Variants in OTOP2 observed in about 807,000 individuals in gnomAD.
OTOP2 encodes proton channel OTOP2.
Under a neutral mutation model 47.4 loss-of-function variants are expected in OTOP2, and 41 were observed. That is an observed-to-expected ratio of 0.87 (90% CI 0.67 to 1.12). The LOEUF (loss-of-function observed/expected upper bound fraction) is 1.12. Ranked by LOEUF, OTOP2 falls within the 50% of genes most tolerant of loss-of-function variation. OTOP2 has a pLI of 0.00. For synonymous variants in OTOP2, 328 were observed against 319.6 expected (o/e 1.03, Z -0.28); for missense variants, 721 against 752.2 (o/e 0.96, Z 0.49).
rs2144767836 is a variant in OTOP2, at chr17:74,930,444, C to A, written c.809C>A (p.Ala270Asp). 1 of 1,614,200 alleles carries A rather than the reference C, an allele frequency of 6.2e-7. No homozygotes were observed. Among genetic ancestry groups the A allele is most frequent in the Non-Finnish European group, 8.5e-7 (1 of 1,180,026 alleles). The change falls in exon 6 of 7, where the codon GCC becomes GAC. Residue 270 changes from alanine (A) to aspartate (D), a missense_variant. Transcript: ENST00000331427. The surrounding 1 kb of genome is among the most constrained non-coding windows in gnomAD (Gnocchi z 4.0). ...TGGAAGAATGTGGGTAGATTCCTGG[C>A]CTCCACCCCTGGCCACAGCCACACC... ...VMWKNVGRFL[A>D]STPGHSHTPT... is the part of the protein sequence containing the mutation.
rs781662622 is a variant in OTOP2 at position 74,933,564 on chromosome 17, G to T, written c.*19G>T. The T allele has an allele frequency of 3.8e-6, 6 of 1,563,348 alleles. No individual in the cohort carries two copies. The East Asian group carries it at 1.4e-4, about 36-fold the overall frequency. ...GTCCTGAGGCCTCCAACAGAGGCAT[G>T]GGGGGCAGGAAGAGGGGGCTCAGCT... On this transcript the variant is annotated 3_prime_UTR_variant, in exon 7 of 7. Coordinates refer to ENST00000331427, the MANE Select transcript of OTOP2 (RefSeq NM_178160.3). The surrounding 1 kb of genome is among the most constrained non-coding windows in gnomAD (Gnocchi z 4.7).
chr17:74,928,608 G>C (rs1426928794), intron 5 of OTOP2, among the ~76,000 whole-genome samples: 1 of 152,134 alleles, frequency 6.6e-6, no homozygotes, highest in Non-Finnish European at 1.5e-5. Context: ...TGTGAAATAG[G>C]TACTCTCCCC....
rs79037104 is a variant in OTOP2, at chr17:74,933,567, G to C, written c.*22G>C. 39 of 1,560,234 alleles carry C rather than the reference G, an allele frequency of 2.5e-5. No individual in the cohort carries two copies. Among genetic ancestry groups the C allele is most frequent in the Admixed American group, 2.2e-4 (13 of 58,984 alleles). On this transcript the variant is annotated 3_prime_UTR_variant, in exon 7 of 7. Coordinates refer to ENST00000331427, the MANE Select transcript of OTOP2 (RefSeq NM_178160.3). The surrounding 1 kb of genome is among the most constrained non-coding windows in gnomAD (Gnocchi z 4.7). Reference sequence around the variant, plus strand: ...CTGAGGCCTCCAACAGAGGCATGGGGGGCAGGAAGAGGGGGCTCAGCTCAT... The same window carrying C: ...CTGAGGCCTCCAACAGAGGCATGGGCGGCAGGAAGAGGGGGCTCAGCTCAT...
At position 74,930,452 on chromosome 17, in the gene OTOP2, C is replaced by G. The variant is rs199935555; in HGVS notation, c.817C>G (p.Pro273Ala). The change falls in exon 6 of 7, where the codon CCT (proline) becomes GCT (alanine). Residue 273 changes from proline (P) to alanine (A), a missense_variant. Coordinates refer to ENST00000331427, the MANE Select transcript of OTOP2 (RefSeq NM_178160.3). This position sits in a 1 kb window ranked among gnomAD's most constrained non-coding sequence, Gnocchi z 4.0. The stretch of plus-strand genomic sequence containing the variant: ...TGTGGGTAGATTCCTGGCCTCCACC[C>G]CTGGCCACAGCCACACCCCAACCCC... ...KNVGRFLAST[P>A]GHSHTPTPVS... 5.0e-6 allele frequency: 8 copies of G among 1,614,092 alleles called. No individual in the cohort carries two copies. The highest frequency in any genetic ancestry group is 6.8e-6 in the Non-Finnish European group (8 of 1,180,046).
At position 74,930,732 on chromosome 17, in the gene OTOP2, C is replaced by T; in HGVS notation, c.1097C>T (p.Thr366Ile). Residue 366 changes from threonine (T) to isoleucine (I), a missense_variant, in exon 6 of 7, where the codon ACT becomes ATT. Coordinates refer to ENST00000331427, the MANE Select transcript of OTOP2 (RefSeq NM_178160.3). This position sits in a 1 kb window ranked among gnomAD's most constrained non-coding sequence, Gnocchi z 4.0. Reference protein sequence around the residue: ...AMDHHKNPTRTLDVALLMGAA... With the variant: ...AMDHHKNPTRILDVALLMGAA... Reference sequence around the variant, plus strand: ...GACCACCATAAGAACCCCACGCGCACTCTGGACGTGGCCCTGCTGATGGGT... The same window carrying T: ...GACCACCATAAGAACCCCACGCGCATTCTGGACGTGGCCCTGCTGATGGGT... 2 of 1,614,142 alleles carry T rather than the reference C, an allele frequency of 1.2e-6. No homozygotes were observed. Among genetic ancestry groups the T allele is most frequent in the Non-Finnish European group, 1.7e-6 (2 of 1,180,028 alleles).
chr17:74,931,953 CA>C (rs5822060), intron 6 of OTOP2, among the ~76,000 whole-genome samples: 32,338 of 83,454 alleles, frequency 0.39, 4,059 homozygotes, highest in Admixed American at 0.49. Flanking sequence ...GACACTCTGT[CA>C]AAAAAAAAAA....
At chr17:74,929,977 G>A (rs2039040306) in intron 5 of OTOP2, among the ~76,000 whole-genome samples, 1 of 152,158 alleles carries the variant, frequency 6.6e-6, no homozygotes. Flanking sequence ...GAGGTCAGGA[G>A]TTCAAGACCA....
chr17:74,924,629 C>T lies in OTOP2; in HGVS notation c.-4C>T, dbSNP rs1361193206. 6.4e-7 allele frequency: 1 copy of T among 1,563,142 alleles called. No homozygotes were observed. The highest frequency in any genetic ancestry group is 1.2e-5 in the South Asian group (1 of 84,696). The stretch of plus-strand genomic sequence containing the variant: ...CCCTCTAGCCTTCTCCAGTCGCCTC[C>T]GCCATGTCCGAGGAGCTGGCCCAGG... On this transcript the variant is annotated 5_prime_UTR_variant, in exon 2 of 7. Coordinates refer to ENST00000331427, the MANE Select transcript of OTOP2 (RefSeq NM_178160.3). This position sits in a 1 kb window ranked among gnomAD's most constrained non-coding sequence, Gnocchi z 7.7.
chr17:74,925,012 GGA>G, intron 2 of OTOP2, 67 bp downstream of exon 2: 1 of 1,466,360 alleles, frequency 6.8e-7, no homozygotes, highest in Non-Finnish European at 9.1e-7. Flanking sequence ...GGCTCTCGCA[GGA>G]GTTGCAGAGT....
chr17:74,928,738 G>A (rs538657825), intron 5 of OTOP2, among the ~76,000 whole-genome samples: 11 of 152,258 alleles, frequency 7.2e-5, no homozygotes, highest in South Asian at 2.1e-4. Context: ...AAGGAGGAAC[G>A]GGATCCAGTC....
At position 74,924,942 on chromosome 17, in the gene OTOP2, C is replaced by T; in HGVS notation, c.310C>T (p.Arg104Ter). 1 of 1,557,164 alleles carries T rather than the reference C, an allele frequency of 6.4e-7. No homozygotes were observed. The highest frequency in any genetic ancestry group is 8.7e-7 in the Non-Finnish European group (1 of 1,149,210). Residue 104 changes from arginine to a stop codon, truncating the protein, a stop_gained, in exon 2 of 7, where the codon CGA becomes TGA. Coordinates refer to ENST00000331427, the MANE Select transcript of OTOP2 (RefSeq NM_178160.3). LOFTEE classifies it high-confidence loss of function. This position sits in a 1 kb window ranked among gnomAD's most constrained non-coding sequence, Gnocchi z 7.7. ...CGCGCACGCTGGCCCCATCTGGCTC[C>T]GAGGTGCCAGGGGAGGTGGGGGCGA... ...RDAHAGPIWL[R>*]GGLVLFGICT...
At position 74,924,837 on chromosome 17, in the gene OTOP2, A is replaced by AT. The variant is rs2038990342; in HGVS notation, c.206dup (p.Met69IlefsTer62). ...CGACGTGTTCGCGCTGCTCACTGCG[A>AT]TGATGCTGCTGGCAACGCTCTGGAT... On this transcript the variant is annotated frameshift_variant, in exon 2 of 7. Transcript: ENST00000331427. LOFTEE classifies it high-confidence loss of function. The surrounding 1 kb of genome is among the most constrained non-coding windows in gnomAD (Gnocchi z 7.7). The AT allele has an allele frequency of 1.2e-6, 2 of 1,610,404 alleles. No homozygotes were observed. Among genetic ancestry groups the AT allele is most frequent in the Non-Finnish European group, 8.5e-7 (1 of 1,178,686 alleles).
At chr17:74,932,439 C>A (rs1053452348) in intron 6 of OTOP2, among the ~76,000 whole-genome samples, 1 of 152,088 alleles carries the variant, frequency 6.6e-6, no homozygotes, top group South Asian at 2.1e-4. Context: ...GATGATGCCA[C>A]GCAGGAGCCT....
At chr17:74,927,430 C>G (rs755058515) in intron 4 of OTOP2, 149 bp downstream of exon 4, 48 of 1,100,652 alleles carry the variant, frequency 4.4e-5, no homozygotes, top group Non-Finnish European at 6.1e-5. Context: ...AGGCTGACTT[C>G]CACTACCTTG....
In OTOP2 at chr17:74,930,925, C is replaced by T. The variant is rs143197247; in HGVS notation, c.1290C>T (p.Pro430=). The change falls in exon 6 of 7, where the codon CCC becomes CCT. Residue 430 remains proline (P), a synonymous_variant. Transcript: ENST00000331427. This position sits in a 1 kb window ranked among gnomAD's most constrained non-coding sequence, Gnocchi z 4.0. Reference sequence around the variant, plus strand: ...TCGAGAGCCTTCACCGAGGACCGCCCGGGGCTGAGCCTCACAGTACCCACC... The same window carrying T: ...TCGAGAGCCTTCACCGAGGACCGCCTGGGGCTGAGCCTCACAGTACCCACC... ...FIIESLHRGP[P]GAEPHSTHPK... The T allele has an allele frequency of 1.2e-5, 19 of 1,613,970 alleles. No individual in the cohort carries two copies. The highest frequency in any genetic ancestry group is 4.5e-5 in the East Asian group (2 of 44,886).
rs746611697 is a variant in OTOP2 at position 74,933,087 on chromosome 17, A to G, written c.1519-288A>G. Among the ~76,000 whole-genome samples, 7 of 151,712 alleles carry G rather than the reference A, an allele frequency of 4.6e-5. No homozygotes were observed. Among genetic ancestry groups the G allele is most frequent in the Admixed American group, 1.3e-4 (2 of 15,216 alleles). Reference sequence around the variant, plus strand: ...AGAGAAACCTCTTCTCCCCTCCCCAATCCCACATTGAGGCCCTGCTAAGAT... The same window carrying G: ...AGAGAAACCTCTTCTCCCCTCCCCAGTCCCACATTGAGGCCCTGCTAAGAT... On this transcript the variant is annotated intron_variant, in intron 6 of 6. Coordinates refer to ENST00000331427, the MANE Select transcript of OTOP2 (RefSeq NM_178160.3). The surrounding 1 kb of genome is among the most constrained non-coding windows in gnomAD (Gnocchi z 4.7).
intron 6 of OTOP2, among the ~76,000 whole-genome samples, chr17:74,932,586 C>T (rs1192260522): frequency 3.9e-5 from 6 of 152,252 alleles, no homozygotes. Flanking sequence ...GCCCCACCTC[C>T]ACCTTCCACC....
Position 74,930,262 on chromosome 17 carries a change from GTC to G in OTOP2, c.644-10_644-9del, listed in dbSNP as rs773755964. 2.7e-5 allele frequency: 43 copies of G among 1,600,106 alleles called. No homozygotes were observed. The highest frequency in any genetic ancestry group is 5.0e-5 in the Admixed American group (3 of 59,770). Reference sequence around the variant, plus strand: ...AGGCAGGAGGGCTGTCCAGCCCTGTGTCTCTCTCCACAACAGAGCATGCAGAC... The same window carrying G: ...AGGCAGGAGGGCTGTCCAGCCCTGTGTCTCTCCACAACAGAGCATGCAGAC... On this transcript the variant is annotated splice_polypyrimidine_tract_variant and intron_variant, in intron 5 of 6. Transcript: ENST00000331427. This position sits in a 1 kb window ranked among gnomAD's most constrained non-coding sequence, Gnocchi z 4.0.
In OTOP2 at chr17:74,924,491, G is replaced by A. The variant is rs2038984419; in HGVS notation, c.-33-109G>A. ...CCCAGCGCTTCCTCCAGCACCCGAA[G>A]CCCCAACCCTGCGGGTCAGGAACTC... On this transcript the variant is annotated intron_variant, in intron 1 of 6. Coordinates refer to ENST00000331427, the MANE Select transcript of OTOP2 (RefSeq NM_178160.3). The surrounding 1 kb of genome is among the most constrained non-coding windows in gnomAD (Gnocchi z 7.7). 6.1e-6 allele frequency: 6 copies of A among 989,066 alleles called. No individual in the cohort carries two copies. Among genetic ancestry groups the A allele is most frequent in the Non-Finnish European group, 8.5e-6 (6 of 702,022 alleles). The allele number at this position is 989,066 out of a possible 1,614,324, so 61.3% of individuals were successfully genotyped here.
Sources: allele counts gnomAD v4.1 joint callset (sites outside exome capture counted in the v4.1 genomes callset), GRCh38; gene constraint gnomAD v4.1.1; non-coding constraint Gnocchi (gnomAD v3.1); transcripts MANE v1.5; gene names NCBI Gene and HGNC (gene_info 2026-07-23, HGNC 2026-07-21).